The following UBE2Q2 variants were observed in gnomAD, a reference collection of about 807,000 sequenced individuals.
UBE2Q2 encodes the protein ubiquitin-conjugating enzyme E2 Q2.
A neutral mutation model predicts 59.9 loss-of-function variants in UBE2Q2; 54 were observed. The ratio of observed to expected loss-of-function variants is 0.90; its 90% CI spans 0.72 to 1.13. The LOEUF is 1.13. UBE2Q2 is among the 50% of genes most tolerant of loss of function. The probability of loss-of-function intolerance (pLI) is 0.00; values close to 1 mark genes in which losing one functional copy is unlikely to be tolerated. For missense variants in UBE2Q2, 433 were observed against 441.9 expected (o/e 0.98, Z 0.18); for synonymous variants, 165 against 155.2 (o/e 1.06, Z -0.47).
chr15:75,866,517 GTCTT>G (rs750889332), intron 3 of UBE2Q2, among the ~76,000 whole-genome samples: 8 of 152,126 alleles, frequency 5.3e-5, no homozygotes, highest in Non-Finnish European at 1.0e-4. Flanking sequence ...ATATTCTAAA[GTCTT>G]TCTTTAGCTC....
At chr15:75,871,943 G>A (rs1297440723) in intron 4 of UBE2Q2, among the ~76,000 whole-genome samples, 1 of 152,192 alleles carries the variant, frequency 6.6e-6, no homozygotes, top group Non-Finnish European at 1.5e-5. Flanking sequence ...TTTCGTGGAT[G>A]GGAACATGAC....
At position 75,845,126 on chromosome 15, in the gene UBE2Q2, T is replaced by G. The variant is rs569775928; in HGVS notation, c.180+1280T>G. 1.6e-3 allele frequency among the ~76,000 whole-genome samples: 251 copies of G among 152,290 alleles called. 2 individuals carry two copies. The highest frequency in any genetic ancestry group is 4.3e-3 in the Admixed American group (65 of 15,290). On this transcript the variant is annotated intron_variant, in intron 1 of 12. Coordinates refer to ENST00000267938, the MANE Select transcript of UBE2Q2 (RefSeq NM_173469.4). Reference sequence around the variant, plus strand: ...AAGAGTTCAATAAGGTGACAGCTCCTGTGGTATCATCAGGAAAGCCAAAGC... The same window carrying G: ...AAGAGTTCAATAAGGTGACAGCTCCGGTGGTATCATCAGGAAAGCCAAAGC...
At chr15:75,875,472 C>T (rs1898026005) in intron 5 of UBE2Q2, among the ~76,000 whole-genome samples, 1 of 152,202 alleles carries the variant, frequency 6.6e-6, no homozygotes, top group East Asian at 1.9e-4. Context: ...TTCTCAGTGT[C>T]TTAATGTGCG....
At chr15:75,885,849 C>T (rs1377471123) in intron 9 of UBE2Q2, among the ~76,000 whole-genome samples, 2 of 152,158 alleles carry the variant, frequency 1.3e-5, no homozygotes, top group Non-Finnish European at 2.9e-5. Context: ...GTTTTTGGAT[C>T]AGGCAGTAAA....
intron 1 of UBE2Q2, among the ~76,000 whole-genome samples, chr15:75,846,129 A>G (rs1367216089): frequency 6.6e-6 from 1 of 152,248 alleles, no homozygotes; most frequent in East Asian, 1.9e-4. Context: ...ACTTTTGGCT[A>G]ATCTTCATCT....
intron 6 of UBE2Q2, among the ~76,000 whole-genome samples, chr15:75,877,445 TTAAA>T (rs1898148532): frequency 6.6e-6 from 1 of 151,642 alleles, no homozygotes; most frequent in Admixed American, 6.6e-5. Flanking sequence ...TTTTTAAATG[TTAAA>T]TAATCATTTG....
In UBE2Q2 at chr15:75,843,809, C is replaced by T. The variant is rs376082263; in HGVS notation, c.143C>T (p.Ser48Leu). 1.9e-6 allele frequency: 3 copies of T among 1,599,716 alleles called. No homozygotes were observed. Among genetic ancestry groups the T allele is most frequent in the South Asian group, 2.2e-5 (2 of 89,308 alleles). ...GTGCCGCAGCAGGGCAGCCCGCACT[C>T]GCTGCCGCCGCCACTCACGCTCCAC... The part of the protein sequence containing the change: ...FLVPQQGSPH[S>L]LPPPLTLHCN... The change falls in exon 1 of 13, where the codon TCG (serine) becomes TTG (leucine). Residue 48 changes from serine (S) to leucine (L), a missense_variant. Coordinates refer to ENST00000267938, the MANE Select transcript of UBE2Q2 (RefSeq NM_173469.4).
Position 75,873,409 on chromosome 15 carries a change from AT to A in UBE2Q2, c.448-14del. 1 of 1,567,486 alleles carries A rather than the reference AT, an allele frequency of 6.4e-7. No individual in the cohort carries two copies. Among genetic ancestry groups the A allele is most frequent in the African/African-American group, 1.4e-5 (1 of 72,336 alleles). ...AGAAAAATAGGTTGAATAAGCTAAC[AT>A]TTTTCGTCTCTTTGTAGGATATAGA... On this transcript the variant is annotated intron_variant, in intron 4 of 12. Transcript: ENST00000267938.
At chr15:75,844,412 G>A (rs866857919) in intron 1 of UBE2Q2, 4 of 1,551,598 alleles carry the variant, frequency 2.6e-6, no homozygotes, top group Non-Finnish European at 3.5e-6. Flanking sequence ...TGCTGTTTGA[G>A]CGACCCCTCT....
chr15:75,846,887 T>G, intron 1 of UBE2Q2, among the ~76,000 whole-genome samples: 1 of 152,230 alleles, frequency 6.6e-6, no homozygotes, highest in Admixed American at 6.5e-5. Flanking sequence ...TGCTGGCTTT[T>G]CCTTTCAGGT....
At position 75,890,629 on chromosome 15, in the gene UBE2Q2, A is replaced by C. The variant is rs1899046367; in HGVS notation, c.933+146A>C. 3 of 770,286 alleles carry C rather than the reference A, an allele frequency of 3.9e-6. No individual in the cohort carries two copies. In the East Asian group the frequency reaches 8.1e-5, roughly 21 times the overall value. 47.7% of individuals were successfully genotyped at this position (770,286 alleles called of 1,614,324 possible). A position where few individuals can be genotyped will look rare whatever the true frequency, so the allele number is the denominator to read the frequency against. The stretch of plus-strand genomic sequence containing the variant: ...ATAGCGTCTACTTTCAAGAATGAAA[A>C]AGGTAAACCAATAAAATGACATTGT... On this transcript the variant is annotated intron_variant, in intron 10 of 12. Transcript: ENST00000267938.
chr15:75,869,050 C>T (rs768487140), intron 4 of UBE2Q2, 40 bp downstream of exon 4: 3 of 1,507,922 alleles, frequency 2.0e-6, no homozygotes, highest in South Asian at 2.3e-5. Flanking sequence ...TAAATTTCTT[C>T]ATTTTTGAAC....
intron 1 of UBE2Q2, chr15:75,844,356 G>A: frequency 6.4e-7 from 1 of 1,550,780 alleles, no homozygotes; most frequent in Non-Finnish European, 8.7e-7. Context: ...AACTGACAAT[G>A]AGAATGGACT....
intron 4 of UBE2Q2, among the ~76,000 whole-genome samples, chr15:75,872,850 A>G (rs62028932): frequency 0.23 from 34,854 of 152,062 alleles, 4,899 homozygotes; most frequent in Non-Finnish European, 0.31. Flanking sequence ...TTTCAGCGTA[A>G]CTGAAATTCT....
At chr15:75,863,024 G>T (rs975709924) in intron 3 of UBE2Q2, among the ~76,000 whole-genome samples, 1 of 152,098 alleles carries the variant, frequency 6.6e-6, no homozygotes. Context: ...TGAGGTAGAT[G>T]TATGTTTGCT....
At chr15:75,874,064 C>T (rs555836891) in intron 5 of UBE2Q2, among the ~76,000 whole-genome samples, 1 of 152,222 alleles carries the variant, frequency 6.6e-6, no homozygotes, top group East Asian at 1.9e-4. Flanking sequence ...CCCTGTTCAT[C>T]TGCTCTTCAT....
At chr15:75,877,032 C>G (rs924588946) in intron 6 of UBE2Q2, among the ~76,000 whole-genome samples, 1 of 151,824 alleles carries the variant, frequency 6.6e-6, no homozygotes, top group Non-Finnish European at 1.5e-5. Flanking sequence ...TGGTGGCGCA[C>G]GCCTGGTGAT....
chr15:75,844,065 AGGGGCTGGCTTGGGGGCTTCT>A, intron 1 of UBE2Q2: 2 of 1,408,050 alleles, frequency 1.4e-6, no homozygotes, highest in Non-Finnish European at 1.8e-6. Flanking sequence ...GCTTCTCGCC[AGGGGCTGGCTTGGGGGCTTCT>A]GGCCCATCTC....
intron 4 of UBE2Q2, among the ~76,000 whole-genome samples, chr15:75,869,348 G>T (rs1156893067): frequency 2.0e-5 from 3 of 152,136 alleles, no homozygotes; most frequent in Admixed American, 1.3e-4. Context: ...TTTTATGTTT[G>T]CATAAAAGGA....
Sources: allele counts gnomAD v4.1 joint callset (sites outside exome capture counted in the v4.1 genomes callset), GRCh38; gene constraint gnomAD v4.1.1; transcripts MANE v1.5; gene names NCBI Gene and HGNC (gene_info 2026-07-23, HGNC 2026-07-21).